The following UTRN variants were observed in gnomAD, a reference collection of about 807,000 sequenced individuals.
The protein encoded by UTRN is dystrophin-related protein 1.
UTRN carries 283 observed loss-of-function variants against 463.9 expected under a neutral mutation model. The ratio of observed to expected loss-of-function variants is 0.61; its 90% CI spans 0.55 to 0.67. The LOEUF (loss-of-function observed/expected upper bound fraction) is 0.67, where lower values mean the gene tolerates loss of function less well. UTRN is among the 30% of genes least tolerant of loss of function. The pLI, the probability that UTRN is intolerant of heterozygous loss-of-function variation, is 0.00. For missense variants in UTRN, 3,922 were observed against 4,084.3 expected (o/e 0.96, Z 1.08); for synonymous variants, 1,442 against 1,431.5 (o/e 1.01, Z -0.17).
rs765695113 is a variant in UTRN at position 144,488,653 on chromosome 6, T to A, written c.3973-20T>A. 2 of 1,606,376 alleles carry A rather than the reference T, an allele frequency of 1.2e-6. No individual in the cohort carries two copies. The highest frequency in any genetic ancestry group is 1.7e-6 in the Non-Finnish European group (2 of 1,175,724). The stretch of plus-strand genomic sequence containing the variant: ...ATATTTGTGTTGGGCAACTAATGAT[T>A]CAATTTCTCCTTTGTGCAGGCAGAG... On this transcript the variant is annotated intron_variant, in intron 29 of 74. Transcript: ENST00000367545.
In UTRN at chr6:144,554,838, A is replaced by G. The variant is rs1799237905; in HGVS notation, c.7079A>G (p.Tyr2360Cys). The G allele has an allele frequency of 6.2e-7, 1 of 1,614,044 alleles. No homozygotes were observed. Among genetic ancestry groups the G allele is most frequent in the Non-Finnish European group, 8.5e-7 (1 of 1,179,980 alleles). The change falls in exon 49 of 75, where the codon TAT (tyrosine) becomes TGT (cysteine). Residue 2360 changes from tyrosine (Y) to cysteine (C), a missense_variant. Around this residue, in one of 3 missense-constraint regions of UTRN, gnomAD observed 1,309 missense variants for 1,452.6 expected, o/e 0.90. Coordinates refer to ENST00000367545, the MANE Select transcript of UTRN (RefSeq NM_007124.3). Reference sequence around the variant, plus strand: ...ATGAGAAAATATGAGGCTCGACTCTATATTCTTCAGCAAGCCCGACGGGAT... The same window carrying G: ...ATGAGAAAATATGAGGCTCGACTCTGTATTCTTCAGCAAGCCCGACGGGAT... ...ELMRKYEARL[Y>C]ILQQARRDPL...
chr6:144,461,322 A>G lies in UTRN; in HGVS notation c.2833A>G (p.Lys945Glu). The G allele has an allele frequency of 6.4e-7, 1 of 1,571,822 alleles. No homozygotes were observed. The highest frequency in any genetic ancestry group is 8.6e-7 in the Non-Finnish European group (1 of 1,159,036). The change falls in exon 22 of 75, where the codon AAG becomes GAG. Residue 945 changes from lysine (K) to glutamate (E), a missense_variant. Coordinates refer to ENST00000367545, the MANE Select transcript of UTRN (RefSeq NM_007124.3). ...CCTTAATGATCTTGCCAAGGTGGAG[A>G]AGGCCCTGCAAGAAAAAAAGGTAAC... ...NVLNDLAKVE[K>E]ALQEKKTLDE...
At chr6:144,316,263 A>G (rs1017728781) in intron 2 of UTRN, among the ~76,000 whole-genome samples, 2 of 152,240 alleles carry the variant, frequency 1.3e-5, no homozygotes, top group Non-Finnish European at 2.9e-5. Context: ...ATGTGTGGCA[A>G]TTGGTGGCTC....
intron 2 of UTRN, among the ~76,000 whole-genome samples, chr6:144,308,051 A>C (rs1805908671): frequency 6.6e-6 from 1 of 152,060 alleles, no homozygotes. Context: ...CCCCAGCTGC[A>C]ATCTCCTGCC....
intron 2 of UTRN, among the ~76,000 whole-genome samples, chr6:144,314,921 C>G (rs563696734): frequency 1.8e-4 from 28 of 151,562 alleles, no homozygotes; most frequent in African/African-American, 6.8e-4. Flanking sequence ...AACAAAAATA[C>G]CTATGTATAT....
chr6:144,700,040 T>G (rs1443430331), intron 52 of UTRN, 47 bp from the exon 53 acceptor site: 3 of 1,517,224 alleles, frequency 2.0e-6, no homozygotes, highest in African/African-American at 1.4e-5. Flanking sequence ...TGAATGTAAT[T>G]TGCATTTCTA....
chr6:144,503,763 T>G (rs1794444427), intron 34 of UTRN, among the ~76,000 whole-genome samples: 1 of 152,206 alleles, frequency 6.6e-6, no homozygotes, highest in South Asian at 2.1e-4. Flanking sequence ...TTACAGTGTT[T>G]TTTTCTAATT....
intron 2 of UTRN, among the ~76,000 whole-genome samples, chr6:144,369,793 G>T (rs1308402539): frequency 6.6e-6 from 1 of 152,168 alleles, no homozygotes; most frequent in Non-Finnish European, 1.5e-5. Flanking sequence ...TTTTTCCCGT[G>T]CTATTCTTGT....
At chr6:144,729,881 G>A (rs192304057) in intron 53 of UTRN, among the ~76,000 whole-genome samples, 2 of 152,156 alleles carry the variant, frequency 1.3e-5, no homozygotes, top group African/African-American at 2.4e-5. Context: ...TGTTTCTATC[G>A]CTTCATTTTT....
chr6:144,815,297 T>A (rs1485074058), intron 65 of UTRN, among the ~76,000 whole-genome samples: 1 of 152,238 alleles, frequency 6.6e-6, no homozygotes, highest in African/African-American at 2.4e-5. Context: ...TACCTAAATG[T>A]TAGACATGGT....
intron 50 of UTRN, among the ~76,000 whole-genome samples, chr6:144,569,445 A>G (rs1800735519): frequency 6.6e-6 from 1 of 152,152 alleles, no homozygotes. Context: ...AGCAAAATTA[A>G]TTGCCTAGTA....
intron 51 of UTRN, among the ~76,000 whole-genome samples, chr6:144,627,210 G>A (rs1001405295): frequency 1.3e-5 from 2 of 152,124 alleles, no homozygotes; most frequent in Non-Finnish European, 2.9e-5. Context: ...CCAAGAGGAA[G>A]ATGTTGGGTA....
chr6:144,836,286 CTCT>C lies in UTRN; in HGVS notation c.9825-13_9825-11del, dbSNP rs755116781. 3 of 1,613,938 alleles carry C rather than the reference CTCT, an allele frequency of 1.9e-6. No homozygotes were observed. In the Admixed American group the frequency reaches 5.0e-5, roughly 27 times the overall value. On this transcript the variant is annotated splice_polypyrimidine_tract_variant and intron_variant, in intron 70 of 74. Transcript: ENST00000367545. ...CACGTGGTAGTCATTCTGTTTCTCC[CTCT>C]TTCTGTATTAGAAATCTACAGGTGG...
chr6:144,779,227 T>A (rs1182006256), intron 60 of UTRN, among the ~76,000 whole-genome samples: 1 of 152,218 alleles, frequency 6.6e-6, no homozygotes, highest in Non-Finnish European at 1.5e-5. Flanking sequence ...TACAGCCTTT[T>A]GGCCATATTT....
chr6:144,639,719 T>C (rs1777568269), intron 51 of UTRN, among the ~76,000 whole-genome samples: 1 of 152,124 alleles, frequency 6.6e-6, no homozygotes, highest in African/African-American at 2.4e-5. Flanking sequence ...TTATTTTCAG[T>C]ATTTTTTTGA....
At chr6:144,392,174 A>C (rs1781997409) in intron 2 of UTRN, among the ~76,000 whole-genome samples, 1 of 152,206 alleles carries the variant, frequency 6.6e-6, no homozygotes, top group Admixed American at 6.5e-5. Flanking sequence ...AATGTTTTGG[A>C]GATATTGGGT....
At chr6:144,839,953 A>T (rs1057340675) in intron 72 of UTRN, among the ~76,000 whole-genome samples, 3 of 152,212 alleles carry the variant, frequency 2.0e-5, no homozygotes, top group African/African-American at 7.2e-5. Flanking sequence ...AAATTAAAAT[A>T]TTAGCTGGAT....
At chr6:144,836,215 T>C (rs1324918484) in intron 70 of UTRN, 86 bp from the exon 71 acceptor site, 1 of 1,582,660 alleles carries the variant, frequency 6.3e-7, no homozygotes, top group East Asian at 2.2e-5. Flanking sequence ...GGAACTAGCA[T>C]GAGCTAAATT....
intron 2 of UTRN, among the ~76,000 whole-genome samples, chr6:144,358,723 A>T (rs544393524): frequency 6.6e-6 from 1 of 152,320 alleles, no homozygotes; most frequent in East Asian, 1.9e-4. Context: ...CTCCCACTTC[A>T]GTCTCCTCAG....
Sources: gnomAD v4.1 joint callset for allele counts (sites outside exome capture counted in the v4.1 genomes callset) on GRCh38, gnomAD v4.1.1 for gene constraint, gnomAD v4.1.1 regional missense constraint, MANE v1.5 for transcripts, NCBI Gene and HGNC (gene_info 2026-07-23, HGNC 2026-07-21) for gene names.